Variants in CP observed in about 807,000 individuals in gnomAD.
CP encodes caeruloplasmin.
A neutral mutation model predicts 122.4 loss-of-function variants in CP; 64 were observed. The observed-to-expected ratio is 0.52, with a 90% CI of 0.43 to 0.64. The LOEUF (loss-of-function observed/expected upper bound fraction) is 0.64, where lower values mean the gene tolerates loss of function less well. Among genes scored for constraint, CP ranks in the 30% least tolerant of loss-of-function variants. The pLI is 0.00. For synonymous variants in CP, 440 were observed against 436.4 expected (o/e 1.01, Z -0.10); for missense variants, 1,167 against 1,284.4 (o/e 0.91, Z 1.40).
rs1402327408 is a variant in CP, at chr3:149,173,031, C to T, written c.*683G>A. On this transcript the variant is annotated 3_prime_UTR_variant, in exon 19 of 19. Coordinates refer to ENST00000264613, the MANE Select transcript of CP (RefSeq NM_000096.4). ...TCAAGTTTAGTTCATTGATATTATC[C>T]TCTGAATGCAGTTAAGGCTGGGCAG... is the stretch of plus-strand genomic sequence containing the variant. 6.6e-6 allele frequency: 1 copy of T among 152,384 alleles called. No homozygotes were observed. Among genetic ancestry groups the T allele is most frequent in the Admixed American group, 6.6e-5 (1 of 15,264 alleles). The allele number at this position is 152,384 out of a possible 1,614,324, so 9.4% of individuals were successfully genotyped here.
At chr3:149,184,023 TA>T (rs530290356) in intron 12 of CP, among the ~76,000 whole-genome samples, 13,551 of 127,080 alleles carry the variant, frequency 0.11, 1,455 homozygotes, top group Non-Finnish European at 0.15. Context: ...CCTTTTCACT[TA>T]CTTCTTTTTT....
At chr3:149,190,036 A>G (rs1194785799) in intron 9 of CP, among the ~76,000 whole-genome samples, 1 of 152,184 alleles carries the variant, frequency 6.6e-6, no homozygotes, top group Non-Finnish European at 1.5e-5. Context: ...AAATAAAAAT[A>G]AATCTAAATA....
chr3:149,213,571 T>C (rs1728255107), intron 1 of CP, among the ~76,000 whole-genome samples: 1 of 152,086 alleles, frequency 6.6e-6, no homozygotes, highest in Admixed American at 6.6e-5. Flanking sequence ...ATTCTGGCCT[T>C]TGGCAAGCCC....
chr3:149,212,015 C>T (rs748775343), intron 2 of CP, among the ~76,000 whole-genome samples: 21 of 151,908 alleles, frequency 1.4e-4, no homozygotes, highest in Non-Finnish European at 2.6e-4. Context: ...AATAGTTGGC[C>T]GGGTGCAGTG....
intron 18 of CP, among the ~76,000 whole-genome samples, chr3:149,175,146 CTTT>C (rs1450378662): frequency 1.8e-4 from 28 of 152,176 alleles, no homozygotes; most frequent in African/African-American, 6.7e-4. Flanking sequence ...CAAGACCATC[CTTT>C]TGTGTGGTTT....
At chr3:149,164,176 G>A (rs1291097237) in intron 5 of CP, among the ~76,000 whole-genome samples, 1 of 152,160 alleles carries the variant, frequency 6.6e-6, no homozygotes, top group Non-Finnish European at 1.5e-5. Context: ...GTAGGTGGAT[G>A]AACGAACTTC....
chr3:149,221,761 A>G lies in CP; in HGVS notation c.32T>C (p.Phe11Ser). The G allele has an allele frequency of 6.2e-7, 1 of 1,613,796 alleles. No homozygotes were observed. MKILILGIFL[F>S]LCSTPAWAKE... ...CGCCCAGGCTGGGGTACTACATAAAAACAGAAAAATACCAAGTATCAAAAT... is the reference window on the plus strand; with the variant it reads ...CGCCCAGGCTGGGGTACTACATAAAGACAGAAAAATACCAAGTATCAAAAT... The change falls in exon 1 of 19, where the codon TTT becomes TCT. Residue 11 changes from phenylalanine to serine, a missense_variant. Transcript: ENST00000264613.
At chr3:149,175,273 CTTGTCTG>C (rs923811292) in intron 18 of CP, among the ~76,000 whole-genome samples, 1 of 152,034 alleles carries the variant, frequency 6.6e-6, no homozygotes, top group Non-Finnish European at 1.5e-5. Context: ...AATTTAGTGG[CTTGTCTG>C]TTAGAGTCTT....
In CP at chr3:149,199,814, T is replaced by A; in HGVS notation, c.1399A>T (p.Asn467Tyr). 6.2e-7 allele frequency: 1 copy of A among 1,614,156 alleles called. No homozygotes were observed. Among genetic ancestry groups the A allele is most frequent in the Non-Finnish European group, 8.5e-7 (1 of 1,179,992 alleles). ...VGDTIRVTFH[N>Y]KGAYPLSIEP... ...ATACTGAGGGGATATGCTCCTTTGTTATGGAAGGTTACTCTGATGGTGTCT... is the reference window on the plus strand; with the variant it reads ...ATACTGAGGGGATATGCTCCTTTGTAATGGAAGGTTACTCTGATGGTGTCT... The change falls in exon 8 of 19, where the codon AAC becomes TAC. Residue 467 changes from asparagine (N) to tyrosine (Y), a missense_variant. Asn to Tyr is a moderately radical substitution (Grantham distance 143). Around this residue, in one of 2 missense-constraint regions of CP, gnomAD observed 642 missense variants for 627.3 expected, o/e 1.02. Coordinates refer to ENST00000264613, the MANE Select transcript of CP (RefSeq NM_000096.4).
chr3:149,203,875 T>C (rs1467215489), intron 6 of CP, among the ~76,000 whole-genome samples: 1 of 152,124 alleles, frequency 6.6e-6, no homozygotes, highest in African/African-American at 2.4e-5. Context: ...CACAGGGTAT[T>C]ATGGAGCATT....
chr3:149,168,642 G>A (rs543040596), downstream of CP, among the ~76,000 whole-genome samples: 11 of 152,108 alleles, frequency 7.2e-5, no homozygotes, highest in East Asian at 1.9e-4. Flanking sequence ...ATGTAAGGCC[G>A]AGTCAGTGGC....
In CP at chr3:149,183,617, A is replaced by C. The variant is rs183671127; in HGVS notation, c.2286-12T>G. 3,147 of 1,542,058 alleles carry C rather than the reference A, an allele frequency of 2.0e-3. 66 individuals carry two copies. In the African/African-American group the frequency reaches 0.033, roughly 16 times the overall value. ...ATGCATTTGAAACACTTAAAAAAAAAAACAACTAAGGTTAGTATTTGTCTT... is the reference window on the plus strand; with the variant it reads ...ATGCATTTGAAACACTTAAAAAAAACAACAACTAAGGTTAGTATTTGTCTT... On this transcript the variant is annotated splice_polypyrimidine_tract_variant and intron_variant, in intron 12 of 18. Transcript: ENST00000264613.
chr3:149,194,514 C>A (rs1726765021), intron 9 of CP, among the ~76,000 whole-genome samples: 1 of 151,998 alleles, frequency 6.6e-6, no homozygotes, highest in African/African-American at 2.4e-5. Flanking sequence ...GCTGGGATTA[C>A]AGGTATGAAC....
chr3:149,213,631 G>GGTGTGTGTGT (rs71135672), intron 1 of CP, among the ~76,000 whole-genome samples: 1 of 143,750 alleles, frequency 7.0e-6, no homozygotes, highest in African/African-American at 2.6e-5. Flanking sequence ...CATCATCATG[G>GGTGTGTGTGT]GTGTGTGTGT....
chr3:149,200,075 A>G (rs1239175570), intron 7 of CP: 19 of 567,090 alleles, frequency 3.4e-5, no homozygotes, highest in Non-Finnish European at 4.4e-5. Flanking sequence ...ATTCAACTTC[A>G]GATTAATGAA....
chr3:149,206,245 G>A lies in CP; in HGVS notation c.1131C>T (p.Ala377=), dbSNP rs150733154. 1.3e-4 allele frequency: 205 copies of A among 1,613,826 alleles called. No homozygotes were observed. The highest frequency in any genetic ancestry group is 1.5e-4 in the Non-Finnish European group (182 of 1,179,872). The part of the protein sequence containing the change: ...RGKHVRHYYI[A]AEEIIWNYAP... ...CATAGTTCCAGATGATTTCCTCAGC[G>A]GCAATGTAGTAGTGTCTAACATGCT... The change falls in exon 6 of 19, where the codon GCC becomes GCT. Residue 377 remains alanine (A), a synonymous_variant. Coordinates refer to ENST00000264613, the MANE Select transcript of CP (RefSeq NM_000096.4).
intron 1 of CP, among the ~76,000 whole-genome samples, chr3:149,213,736 C>T (rs139129309): frequency 2.0e-5 from 3 of 151,710 alleles, no homozygotes; most frequent in South Asian, 2.1e-4. Context: ...TTTGTGGGGC[C>T]GAGTAATCTG....
chr3:149,176,032 G>T, intron 18 of CP: 1 of 568,676 alleles, frequency 1.8e-6, no homozygotes, highest in East Asian at 3.0e-5. Context: ...GAAATGACTG[G>T]TGCTGTTACA....
intron 1 of CP, among the ~76,000 whole-genome samples, chr3:149,214,260 G>A (rs1286964541): frequency 6.6e-6 from 1 of 152,208 alleles, no homozygotes; most frequent in African/African-American, 2.4e-5. Context: ...AAGCCTGAGT[G>A]CTGGGGCCAG....
Sources: gnomAD v4.1 joint callset for allele counts (sites outside exome capture counted in the v4.1 genomes callset) on GRCh38, gnomAD v4.1.1 for gene constraint, gnomAD v4.1.1 regional missense constraint, MANE v1.5 for transcripts, NCBI Gene and HGNC (gene_info 2026-07-23, HGNC 2026-07-21) for gene names.